Variants in RBM19 observed in about 807,000 individuals in gnomAD.
RBM19 encodes the protein probable RNA-binding protein 19.
A neutral mutation model predicts 116.8 loss-of-function variants in RBM19; 94 were observed. The observed-to-expected ratio is 0.80, with a 90% CI of 0.68 to 0.95. RBM19 has a LOEUF of 0.95. RBM19 is among the 40% of genes least tolerant of loss of function. RBM19 has a pLI of 0.00. For synonymous variants in RBM19, 475 were observed against 494.1 expected (o/e 0.96, Z 0.51); for missense variants, 1,161 against 1,220.7 (o/e 0.95, Z 0.73).
chr12:113,849,209 T>C (rs1167149590), intron 22 of RBM19, among the ~76,000 whole-genome samples: 1 of 152,156 alleles, frequency 6.6e-6, no homozygotes, highest in Admixed American at 6.5e-5. Context: ...CATAATGCCT[T>C]CTGTGTGCCA....
At chr12:113,964,243 G>C (rs749111926) in intron 1 of RBM19, among the ~76,000 whole-genome samples, 2 of 152,154 alleles carry the variant, frequency 1.3e-5, no homozygotes, top group Non-Finnish European at 2.9e-5. Context: ...TGTGACCTCA[G>C]GCAAATCCCT....
At chr12:113,955,528 G>A (rs1445572720) in intron 6 of RBM19, among the ~76,000 whole-genome samples, 1 of 152,142 alleles carries the variant, frequency 6.6e-6, no homozygotes, top group African/African-American at 2.4e-5. Flanking sequence ...CGGGGTGTCA[G>A]TACCACTATG....
chr12:113,854,729 C>T (rs1006783760), intron 22 of RBM19, among the ~76,000 whole-genome samples: 2 of 152,206 alleles, frequency 1.3e-5, no homozygotes, highest in Non-Finnish European at 2.9e-5. Context: ...CCCCGGTTCA[C>T]TGGAGCAGCT....
At chr12:113,834,966 C>T in intron 23 of RBM19, among the ~76,000 whole-genome samples, 1 of 151,862 alleles carries the variant, frequency 6.6e-6, no homozygotes, top group East Asian at 1.9e-4. Context: ...GCTTTCTTGC[C>T]CTCTTTCTTT....
intron 8 of RBM19, among the ~76,000 whole-genome samples, chr12:113,951,644 C>A (rs1255463057): frequency 6.6e-6 from 1 of 152,188 alleles, no homozygotes; most frequent in African/African-American, 2.4e-5. Flanking sequence ...TTTACCCTGA[C>A]CTCATCCTGC....
At position 113,898,954 on chromosome 12, in the gene RBM19, A is replaced by G. The variant is rs575703740; in HGVS notation, c.2558+16015T>C. ...TTATAGTCCTAAAAGAACCATAAGC[A>G]TGAGTTGTCAGTTTATTCTGAGTTT... is the stretch of plus-strand genomic sequence containing the variant. On this transcript the variant is annotated intron_variant, in intron 21 of 23. Coordinates refer to ENST00000261741, the MANE Select transcript of RBM19 (RefSeq NM_016196.4). This position sits in a 1 kb window ranked among gnomAD's most constrained non-coding sequence, Gnocchi z 4.3. 2.0e-5 allele frequency among the ~76,000 whole-genome samples: 3 copies of G among 152,364 alleles called. No individual in the cohort carries two copies. The highest frequency in any genetic ancestry group is 6.5e-5 in the Admixed American group (1 of 15,306).
intron 23 of RBM19, among the ~76,000 whole-genome samples, chr12:113,828,323 C>T (rs1220515382): frequency 6.6e-6 from 1 of 152,128 alleles, no homozygotes; most frequent in Non-Finnish European, 1.5e-5. Context: ...CCCCTCCCTG[C>T]CTACAGGTAA....
chr12:113,962,147 C>A (rs1015295097), intron 2 of RBM19, 85 bp downstream of exon 2: 3 of 1,474,388 alleles, frequency 2.0e-6, no homozygotes, highest in Non-Finnish European at 2.8e-6. Flanking sequence ...TGAAGAGGGA[C>A]GGTCTTTGAA....
intron 21 of RBM19, among the ~76,000 whole-genome samples, chr12:113,869,977 G>A (rs1358907355): frequency 6.6e-6 from 1 of 152,188 alleles, no homozygotes; most frequent in Non-Finnish European, 1.5e-5. Flanking sequence ...TGGGCTCCCA[G>A]GGCTGCTCCA....
intron 15 of RBM19, among the ~76,000 whole-genome samples, chr12:113,937,567 CA>C (rs148128254): frequency 0.24 from 37,148 of 151,944 alleles, 5,239 homozygotes; most frequent in Middle Eastern, 0.41. Context: ...CCACGGGCAA[CA>C]CCTGTATACG....
At chr12:113,905,727 A>C (rs1055676887) in intron 21 of RBM19, among the ~76,000 whole-genome samples, 3 of 152,252 alleles carry the variant, frequency 2.0e-5, no homozygotes, top group African/African-American at 7.2e-5. Flanking sequence ...ATAAAAAGTA[A>C]TTAGAAAATT....
intron 22 of RBM19, among the ~76,000 whole-genome samples, chr12:113,855,600 A>C (rs936229642): frequency 6.6e-6 from 1 of 152,050 alleles, no homozygotes; most frequent in African/African-American, 2.4e-5. Flanking sequence ...TTTGAAGGAA[A>C]TCTCCTTCCC....
At chr12:113,881,950 G>A (rs1348506611) in intron 21 of RBM19, among the ~76,000 whole-genome samples, 4 of 152,238 alleles carry the variant, frequency 2.6e-5, no homozygotes, top group Non-Finnish European at 2.9e-5. Context: ...GGGTGCACAC[G>A]CACCCTGACC....
Position 113,822,956 on chromosome 12 carries a change from C to T in RBM19, c.*268G>A. The T allele has an allele frequency of 2.2e-6, 1 of 446,158 alleles. No homozygotes were observed. Among genetic ancestry groups the T allele is most frequent in the Admixed American group, 3.8e-5 (1 of 26,472 alleles). 27.6% of individuals were successfully genotyped at this position (446,158 alleles called of 1,614,324 possible). On this transcript the variant is annotated 3_prime_UTR_variant, in exon 24 of 24. Coordinates refer to ENST00000261741, the MANE Select transcript of RBM19 (RefSeq NM_016196.4). ...TCTCTCTTCCTAACGTGGCTGCTCCCTTGGACTCTTCCGTGTCTGCTACAG... is the reference window on the plus strand; with the variant it reads ...TCTCTCTTCCTAACGTGGCTGCTCCTTTGGACTCTTCCGTGTCTGCTACAG...
chr12:113,835,421 C>T (rs995088666), intron 23 of RBM19, among the ~76,000 whole-genome samples: 1 of 152,118 alleles, frequency 6.6e-6, no homozygotes, highest in African/African-American at 2.4e-5. Flanking sequence ...GAGCACCTGA[C>T]GGCAGGCTGT....
At chr12:113,828,687 C>T (rs1340706645) in intron 23 of RBM19, among the ~76,000 whole-genome samples, 4 of 152,042 alleles carry the variant, frequency 2.6e-5, no homozygotes, top group Admixed American at 6.6e-5. Context: ...ATGTGGGTAC[C>T]GCAGGGGGGC....
chr12:113,884,703 A>C (rs1695223664), intron 21 of RBM19, among the ~76,000 whole-genome samples: 1 of 152,218 alleles, frequency 6.6e-6, no homozygotes, highest in Non-Finnish European at 1.5e-5. Context: ...TGGCACTGAG[A>C]AAGTACAAGA....
chr12:113,867,601 C>A lies in RBM19; in HGVS notation c.2559-8705G>T, dbSNP rs990277735. ...TATGCATATGTACTGCTATTTCATTCTCTTTGTAAATCTTTAAATAAAAAT... is the reference window on the plus strand; with the variant it reads ...TATGCATATGTACTGCTATTTCATTATCTTTGTAAATCTTTAAATAAAAAT... On this transcript the variant is annotated intron_variant, in intron 21 of 23. Transcript: ENST00000261741. Among the ~76,000 whole-genome samples the A allele has an allele frequency of 5.9e-5, 9 of 152,190 alleles. 1 individual carries two copies. Among genetic ancestry groups the A allele is most frequent in the Admixed American group, 3.9e-4 (6 of 15,276 alleles).
At chr12:113,860,127 AC>A (rs1264987076) in intron 21 of RBM19, among the ~76,000 whole-genome samples, 1 of 152,206 alleles carries the variant, frequency 6.6e-6, no homozygotes, top group Non-Finnish European at 1.5e-5. Flanking sequence ...TGTGCAGGCA[AC>A]GAGAAACGGC....
Sources: gnomAD v4.1 joint callset for allele counts (sites outside exome capture counted in the v4.1 genomes callset) on GRCh38, gnomAD v4.1.1 for gene constraint, Gnocchi (gnomAD v3.1) non-coding constraint, MANE v1.5 for transcripts, NCBI Gene and HGNC (gene_info 2026-07-23, HGNC 2026-07-21) for gene names.